Variants in DLGAP4 observed in about 807,000 individuals in gnomAD.
The protein encoded by DLGAP4 is DLG associated protein 4.
In DLGAP4, 18 loss-of-function variants were observed where a neutral mutation model predicts 86.9. The observed-to-expected ratio is 0.21, with a 90% CI of 0.14 to 0.31. The LOEUF is 0.31. Among genes scored for constraint, DLGAP4 ranks in the 10% least tolerant of loss-of-function variants. The probability of loss-of-function intolerance (pLI) is 1.00; values close to 1 mark genes in which losing one functional copy is unlikely to be tolerated. For synonymous variants in DLGAP4, 548 were observed against 574.3 expected (o/e 0.95, Z 0.65); for missense variants, 1,085 against 1,362.6 (o/e 0.80, Z 3.21).
chr20:36,365,537 G>A (rs145539470), intron 1 of DLGAP4, among the ~76,000 whole-genome samples: 1,675 of 152,284 alleles, frequency 0.011, 13 homozygotes, highest in Non-Finnish European at 0.017. Context: ...CATCGTCCTG[G>A]AGTCAGGTGC....
chr20:36,342,860 C>T (rs532261807), intron 1 of DLGAP4, among the ~76,000 whole-genome samples: 23 of 152,272 alleles, frequency 1.5e-4, no homozygotes, highest in Middle Eastern at 3.4e-3. Context: ...TCAGCAGAGG[C>T]GACATTTGTG....
chr20:36,389,253 T>C (rs563841359), intron 2 of DLGAP4, among the ~76,000 whole-genome samples: 2 of 152,340 alleles, frequency 1.3e-5, no homozygotes, highest in African/African-American at 4.8e-5. Flanking sequence ...CCTTTTCCTC[T>C]GCTATTGCAT....
At chr20:36,513,858 G>C (rs553694930) in intron 10 of DLGAP4, among the ~76,000 whole-genome samples, 1 of 152,130 alleles carries the variant, frequency 6.6e-6, no homozygotes, top group Non-Finnish European at 1.5e-5. Context: ...TGTCGATCTG[G>C]GGGAAAGTCA....
intron 3 of DLGAP4, among the ~76,000 whole-genome samples, chr20:36,435,082 G>A (rs1404361431): frequency 1.3e-5 from 2 of 152,084 alleles, no homozygotes; most frequent in Admixed American, 6.5e-5. Flanking sequence ...TACTTGTGGG[G>A]GGGGGTTGCT....
intron 11 of DLGAP4, among the ~76,000 whole-genome samples, chr20:36,525,236 A>C (rs1427772664): frequency 7.6e-5 from 10 of 132,314 alleles, no homozygotes; most frequent in Middle Eastern, 4.0e-3. Context: ...AAAAAAAAAA[A>C]AAAAAAAAAA....
chr20:36,381,109 G>C (rs1020140448), intron 2 of DLGAP4, among the ~76,000 whole-genome samples: 1 of 152,198 alleles, frequency 6.6e-6, no homozygotes, highest in Non-Finnish European at 1.5e-5. Context: ...AAAATAATCG[G>C]CAACCTTTCA....
intron 1 of DLGAP4, among the ~76,000 whole-genome samples, chr20:36,351,237 C>T (rs2030141030): frequency 6.6e-6 from 1 of 152,202 alleles, no homozygotes; most frequent in Non-Finnish European, 1.5e-5. Flanking sequence ...GTCATCCGTA[C>T]TTATAAATGG....
Position 36,379,041 on chromosome 20 carries a change from T to A in DLGAP4, c.-73+11766T>A, listed in dbSNP as rs114273745. Among the ~76,000 whole-genome samples, 751 of 152,210 alleles carry A rather than the reference T, an allele frequency of 4.9e-3. 9 individuals are homozygous for A. The highest frequency in any genetic ancestry group is 0.018 in the African/African-American group (729 of 41,530). ...CATGCTAGCAGTAAGCTAGCGACACTCTGGGTGATGCTCAAATAGCCCCAG... is the reference window on the plus strand; with the variant it reads ...CATGCTAGCAGTAAGCTAGCGACACACTGGGTGATGCTCAAATAGCCCCAG... On this transcript the variant is annotated intron_variant, in intron 2 of 12. Coordinates refer to ENST00000339266, the MANE Select transcript of DLGAP4 (RefSeq NM_001365621.2).
chr20:36,309,674 T>C (rs2065035823), intron 1 of DLGAP4, among the ~76,000 whole-genome samples: 1 of 152,208 alleles, frequency 6.6e-6, no homozygotes, highest in Non-Finnish European at 1.5e-5. Context: ...GGCCAGGCAT[T>C]TCCCCCTGTG....
chr20:36,431,932 C>G lies in DLGAP4; in HGVS notation c.215C>G (p.Pro72Arg). The G allele has an allele frequency of 6.2e-7, 1 of 1,614,226 alleles. No homozygotes were observed. The highest frequency in any genetic ancestry group is 8.5e-7 in the Non-Finnish European group (1 of 1,180,038). The change falls in exon 3 of 13, where the codon CCC becomes CGC. Residue 72 changes from proline (P) to arginine (R), a missense_variant. Pro to Arg is a moderately radical substitution (Grantham distance 103). Around this residue, in one of 2 missense-constraint regions of DLGAP4, gnomAD observed 1,082 missense variants for 1,344.1 expected, o/e 0.81. Coordinates refer to ENST00000339266, the MANE Select transcript of DLGAP4 (RefSeq NM_001365621.2). The surrounding 1 kb of genome is among the most constrained non-coding windows in gnomAD (Gnocchi z 5.1). The part of the protein sequence containing the change: ...NQLPPPSSTF[P>R]RIHYNSHFEV... ...CTGCCCCCGCCCAGCAGCACCTTTC[C>G]CCGCATCCACTACAACTCCCACTTC...
rs146521313 is a variant in DLGAP4 at position 36,408,817 on chromosome 20, G to A, written c.-72-22829G>A. ...TGACTAAATGCAATGCGGTATCCTCGACTGGATCCTGAAACAGAAAAAGGA... is the reference window on the plus strand; with the variant it reads ...TGACTAAATGCAATGCGGTATCCTCAACTGGATCCTGAAACAGAAAAAGGA... On this transcript the variant is annotated intron_variant, in intron 2 of 12. Coordinates refer to ENST00000339266, the MANE Select transcript of DLGAP4 (RefSeq NM_001365621.2). 5.8e-3 allele frequency among the ~76,000 whole-genome samples: 882 copies of A among 152,270 alleles called. 10 individuals are homozygous for A. Among genetic ancestry groups the A allele is most frequent in the African/African-American group, 0.019 (799 of 41,532 alleles).
chr20:36,523,316 G>GAAGTCATAAT (rs2147862703), intron 10 of DLGAP4, among the ~76,000 whole-genome samples: 1 of 152,274 alleles, frequency 6.6e-6, no homozygotes, highest in African/African-American at 2.4e-5. Flanking sequence ...TTTAAAACTA[G>GAAGTCATAAT]AAGTCATAAT....
At chr20:36,380,639 G>T (rs1014843044) in intron 2 of DLGAP4, among the ~76,000 whole-genome samples, 8 of 93,934 alleles carry the variant, frequency 8.5e-5, no homozygotes, top group African/African-American at 4.0e-4. Flanking sequence ...GAGAGAGAGA[G>T]AGAGAGAGAG....
chr20:36,430,895 C>A (rs2033110253), intron 2 of DLGAP4, among the ~76,000 whole-genome samples: 1 of 148,514 alleles, frequency 6.7e-6, no homozygotes, highest in Admixed American at 6.8e-5. Flanking sequence ...ACGGAGGTTG[C>A]AGTGAGCCAG....
At chr20:36,488,492 A>G (rs1210397254) in intron 7 of DLGAP4, among the ~76,000 whole-genome samples, 1 of 152,166 alleles carries the variant, frequency 6.6e-6, no homozygotes, top group Admixed American at 6.5e-5. Flanking sequence ...TCTGGGCAGT[A>G]TAGGGTCACT....
At chr20:36,357,702 G>C (rs116012178) in intron 1 of DLGAP4, among the ~76,000 whole-genome samples, 37 of 152,336 alleles carry the variant, frequency 2.4e-4, no homozygotes, top group Middle Eastern at 3.4e-3. Context: ...GAATGGTTCC[G>C]AGAAAAGAAA....
In DLGAP4 at chr20:36,525,992, C is replaced by A. The variant is rs971669684; in HGVS notation, c.2746C>A (p.Pro916Thr). ...CAACAGCTGGCAGCTGGTGGAGACC[C>A]CCGAGAAGAGGAAGGTGAGCATGGA... The part of the protein sequence containing the change: ...KANSWQLVET[P>T]EKRKEEKKPP... Residue 916 changes from proline (P) to threonine (T), a missense_variant, in exon 12 of 13, where the codon CCC (proline) becomes ACC (threonine). Physicochemically the swap from Pro to Thr is conservative, Grantham distance 38 (BLOSUM62 -1). This residue lies in a region of DLGAP4 where 1,082 missense variants were observed against 1,344.1 expected (regional missense o/e 0.81). Coordinates refer to ENST00000339266, the MANE Select transcript of DLGAP4 (RefSeq NM_001365621.2). 2 of 1,612,426 alleles carry A rather than the reference C, an allele frequency of 1.2e-6. No homozygotes were observed. Among genetic ancestry groups the A allele is most frequent in the African/African-American group, 2.7e-5 (2 of 74,390 alleles).
At chr20:36,403,493 T>C (rs1416959744) in intron 2 of DLGAP4, among the ~76,000 whole-genome samples, 1 of 152,190 alleles carries the variant, frequency 6.6e-6, no homozygotes, top group Non-Finnish European at 1.5e-5. Context: ...GTGTTACCTA[T>C]AATCCCAGAG....
intron 2 of DLGAP4, among the ~76,000 whole-genome samples, chr20:36,378,698 G>T (rs979625560): frequency 6.6e-6 from 1 of 151,922 alleles, no homozygotes. Flanking sequence ...CCTCTGCTTG[G>T]TTTTGATGGG....
Sources: gnomAD v4.1 joint callset for allele counts (sites outside exome capture counted in the v4.1 genomes callset) on GRCh38, gnomAD v4.1.1 for gene constraint, gnomAD v4.1.1 regional missense constraint, Gnocchi (gnomAD v3.1) non-coding constraint, MANE v1.5 for transcripts, NCBI Gene and HGNC (gene_info 2026-07-23, HGNC 2026-07-21) for gene names.